Variants in RASEF observed in about 807,000 individuals in gnomAD.
RASEF encodes RAS and EF-hand domain containing, also known as ras and EF-hand domain-containing protein.
In RASEF, 68 loss-of-function variants were observed where a neutral mutation model predicts 90.1. That is an observed-to-expected ratio of 0.75 (90% CI 0.62 to 0.92). The LOEUF (loss-of-function observed/expected upper bound fraction) is 0.92. Ranked by LOEUF, RASEF falls within the 40% of genes least tolerant of loss-of-function variation. The probability of loss-of-function intolerance (pLI) is 0.00; values close to 1 mark genes in which losing one functional copy is unlikely to be tolerated. For missense variants in RASEF, 949 were observed against 937.2 expected (o/e 1.01, Z -0.16); for synonymous variants, 331 against 345.2 (o/e 0.96, Z 0.46).
chr9:83,087,908 C>T, the RASEF span, among the ~76,000 whole-genome samples: 1 of 152,094 alleles, frequency 6.6e-6, no homozygotes, highest in Non-Finnish European at 1.5e-5. Flanking sequence ...CTGCACACTG[C>T]TTTCACTGCA....
At chr9:82,990,316 GCA>G (rs1828789025) in intron 16 of RASEF, 73 bp downstream of exon 16, 1 of 961,778 alleles carries the variant, frequency 1.0e-6, no homozygotes. Context: ...TATTCTATCT[GCA>G]CATTATGGAC....
At chr9:83,126,850 A>G in the RASEF span, among the ~76,000 whole-genome samples, 9 of 152,338 alleles carry the variant, frequency 5.9e-5, no homozygotes, top group African/African-American at 2.2e-4. Context: ...ATATCATATT[A>G]CTTTTTTTAA....
At chr9:83,132,523 C>A in the RASEF span, among the ~76,000 whole-genome samples, 2 of 152,150 alleles carry the variant, frequency 1.3e-5, no homozygotes, top group Non-Finnish European at 2.9e-5. Context: ...TTGTCTTATG[C>A]CTCTAAGTTT....
At chr9:83,217,177 G>C in the RASEF span, among the ~76,000 whole-genome samples, 1 of 151,992 alleles carries the variant, frequency 6.6e-6, no homozygotes. Context: ...TTGGAAAGGG[G>C]GTATTTATCC....
chr9:83,087,405 T>TTCTCTCTTTCTCTCTC, the RASEF span, among the ~76,000 whole-genome samples: 1 of 115,532 alleles, frequency 8.7e-6, no homozygotes, highest in Non-Finnish European at 1.8e-5. Flanking sequence ...TTCTCATTCA[T>TTCTCTCTTTCTCTCTC]TCTCTCTCTC....
the RASEF span, among the ~76,000 whole-genome samples, chr9:83,088,335 CTCTTA>C: frequency 1.3e-5 from 2 of 150,256 alleles, no homozygotes; most frequent in African/African-American, 4.9e-5. Context: ...ATATCTATAT[CTCTTA>C]TCTATCTATA....
chr9:83,005,057 C>T (rs1829103604), intron 8 of RASEF, among the ~76,000 whole-genome samples: 1 of 152,140 alleles, frequency 6.6e-6, no homozygotes, highest in Non-Finnish European at 1.5e-5. Flanking sequence ...ATGAGCTAAG[C>T]TGATTTCTGT....
chr9:83,162,704 G>C, the RASEF span, among the ~76,000 whole-genome samples: 1 of 152,186 alleles, frequency 6.6e-6, no homozygotes, highest in African/African-American at 2.4e-5. Context: ...ACTGAAGAGA[G>C]AGGCAAGTAT....
chr9:83,003,416 G>A (rs1206032862), intron 9 of RASEF, among the ~76,000 whole-genome samples: 1 of 152,152 alleles, frequency 6.6e-6, no homozygotes, highest in South Asian at 2.1e-4. Flanking sequence ...TTTCCAAAAT[G>A]AATCATGGTG....
intron 1 of RASEF, among the ~76,000 whole-genome samples, chr9:83,036,200 T>C (rs1829738799): frequency 6.6e-6 from 1 of 152,212 alleles, no homozygotes; most frequent in African/African-American, 2.4e-5. Flanking sequence ...TCACATTCAC[T>C]GATAAAACAA....
At chr9:83,181,860 T>C in the RASEF span, among the ~76,000 whole-genome samples, 1 of 152,332 alleles carries the variant, frequency 6.6e-6, no homozygotes, top group South Asian at 2.1e-4. Context: ...TTTAAGTGTT[T>C]ATAAACCTAC....
the RASEF span, among the ~76,000 whole-genome samples, chr9:83,105,435 C>A: frequency 6.6e-6 from 1 of 152,180 alleles, no homozygotes. Flanking sequence ...TTTGGGGTCA[C>A]TGAGAATCGA....
At chr9:83,090,986 A>G in the RASEF span, among the ~76,000 whole-genome samples, 1 of 152,136 alleles carries the variant, frequency 6.6e-6, no homozygotes, top group East Asian at 1.9e-4. Flanking sequence ...TTAGCTACTA[A>G]TTGGACAGAA....
In RASEF at chr9:83,062,702, C is replaced by G; in HGVS notation, c.166G>C (p.Ala56Pro). The change falls in exon 1 of 17, where the codon GCC becomes CCC. Residue 56 changes from alanine to proline, a missense_variant. By Grantham distance (27) the Ala-to-Pro change is conservative (BLOSUM62 -1). Coordinates refer to ENST00000376447, the MANE Select transcript of RASEF (RefSeq NM_152573.4). ...DAEAVFQRLD[A>P]DRDGAITFQE... is the part of the protein sequence containing the mutation. ...AAGGTGATGGCGCCGTCACGGTCGGCGTCCAGCCGCTGGAATACTGCCTCG... is the reference window on the plus strand; with the variant it reads ...AAGGTGATGGCGCCGTCACGGTCGGGGTCCAGCCGCTGGAATACTGCCTCG... The G allele has an allele frequency of 6.4e-7, 1 of 1,573,876 alleles. No homozygotes were observed. Among genetic ancestry groups the G allele is most frequent in the Non-Finnish European group, 8.6e-7 (1 of 1,168,840 alleles).
At chr9:83,186,046 C>G in the RASEF span, among the ~76,000 whole-genome samples, 1 of 152,080 alleles carries the variant, frequency 6.6e-6, no homozygotes, top group African/African-American at 2.4e-5. Flanking sequence ...GAGTGTGAAG[C>G]TACAGTGATA....
chr9:83,147,226 T>C, the RASEF span, among the ~76,000 whole-genome samples: 1 of 152,022 alleles, frequency 6.6e-6, no homozygotes, highest in Non-Finnish European at 1.5e-5. Flanking sequence ...GTGCTTTAGG[T>C]AAGTTCTCTT....
the RASEF span, among the ~76,000 whole-genome samples, chr9:83,207,781 T>C: frequency 1.3e-5 from 2 of 152,134 alleles, no homozygotes; most frequent in Non-Finnish European, 2.9e-5. Flanking sequence ...CTAATTTTTA[T>C]ATTTTTAGTA....
the RASEF span, among the ~76,000 whole-genome samples, chr9:83,148,451 CAG>C: frequency 6.6e-6 from 1 of 152,112 alleles, no homozygotes; most frequent in Non-Finnish European, 1.5e-5. Context: ...AAGATGAAGG[CAG>C]AGTCTGAGGT....
intron 16 of RASEF, among the ~76,000 whole-genome samples, chr9:82,984,910 G>A (rs553929239): frequency 6.6e-6 from 1 of 152,172 alleles, no homozygotes; most frequent in Non-Finnish European, 1.5e-5. Flanking sequence ...AGCTACCACA[G>A]ATGCACTCTG....
Sources: gnomAD v4.1 joint callset for allele counts (sites outside exome capture counted in the v4.1 genomes callset) on GRCh38, gnomAD v4.1.1 for gene constraint, MANE v1.5 for transcripts, NCBI Gene and HGNC (gene_info 2026-07-23, HGNC 2026-07-21) for gene names.